The following ABHD12 variants were observed in gnomAD, a reference collection of about 807,000 sequenced individuals.
ABHD12 encodes abhydrolase domain containing 12, lysophospholipase.
In ABHD12, 43 loss-of-function variants were observed where a neutral mutation model predicts 58.3. The observed-to-expected ratio is 0.74, with a 90% CI of 0.58 to 0.95. The LOEUF (loss-of-function observed/expected upper bound fraction) is 0.95. Among genes scored for constraint, ABHD12 ranks in the 40% least tolerant of loss-of-function variants. The pLI is 0.00. For synonymous variants in ABHD12, 219 were observed against 211.2 expected (o/e 1.04, Z -0.32); for missense variants, 539 against 537.2 (o/e 1.00, Z -0.03).
chr20:25,320,108 C>A, intron 4 of ABHD12, 91 bp downstream of exon 4: 2 of 1,578,188 alleles, frequency 1.3e-6, no homozygotes, highest in South Asian at 2.3e-5. Flanking sequence ...GCAGGTTGCT[C>A]CTGCTGGTTT....
downstream of ABHD12, among the ~76,000 whole-genome samples, chr20:25,298,411 G>GC (rs1283258883): frequency 2.0e-5 from 3 of 151,990 alleles, no homozygotes; most frequent in African/African-American, 7.3e-5. Context: ...CATTACAGGC[G>GC]CCCACCACCA....
intron 1 of ABHD12, among the ~76,000 whole-genome samples, chr20:25,371,874 A>G (rs1050911849): frequency 2.0e-5 from 3 of 152,198 alleles, no homozygotes; most frequent in African/African-American, 7.2e-5. Context: ...TGTGAAAGCT[A>G]AAGTCATCAA....
At chr20:25,388,428 T>G (rs1293121978) in intron 1 of ABHD12, among the ~76,000 whole-genome samples, 1 of 152,088 alleles carries the variant, frequency 6.6e-6, no homozygotes. Flanking sequence ...GAGCAAAAAT[T>G]ACAATCTCGA....
intron 1 of ABHD12, among the ~76,000 whole-genome samples, chr20:25,345,909 T>G (rs184450670): frequency 7.7e-4 from 117 of 152,274 alleles, no homozygotes; most frequent in African/African-American, 2.8e-3. Context: ...ATATTCTTAC[T>G]ATATGATCCA....
intron 1 of ABHD12, among the ~76,000 whole-genome samples, chr20:25,345,355 G>A (rs2089504911): frequency 6.6e-6 from 1 of 152,076 alleles, no homozygotes; most frequent in Non-Finnish European, 1.5e-5. Flanking sequence ...AAAGTGCTGG[G>A]ATTACAGGCT....
At chr20:25,331,204 A>G (rs570652761) in intron 2 of ABHD12, among the ~76,000 whole-genome samples, 11 of 152,364 alleles carry the variant, frequency 7.2e-5, no homozygotes, top group African/African-American at 2.6e-4. Flanking sequence ...AACTGGAAGA[A>G]AGGGTATCAG....
intron 1 of ABHD12, among the ~76,000 whole-genome samples, chr20:25,359,423 CAAA>C (rs565367954): frequency 1.3e-3 from 81 of 63,104 alleles, no homozygotes; most frequent in African/African-American, 3.2e-3. Context: ...GACTCCGTCT[CAAA>C]AAAAAAAAAA....
At chr20:25,384,825 C>T (rs1341005026) in intron 1 of ABHD12, among the ~76,000 whole-genome samples, 1 of 152,220 alleles carries the variant, frequency 6.6e-6, no homozygotes, top group African/African-American at 2.4e-5. Flanking sequence ...TCTGGGACCA[C>T]ATTCCTGCCA....
intron 2 of ABHD12, among the ~76,000 whole-genome samples, chr20:25,326,130 A>G (rs527395416): frequency 5.8e-5 from 8 of 138,616 alleles, no homozygotes; most frequent in African/African-American, 1.4e-4. Context: ...GAGGGGAGGG[A>G]AGGGAAGGGA....
intron 2 of ABHD12, among the ~76,000 whole-genome samples, chr20:25,325,203 C>CA (rs376306392): frequency 0.024 from 1,813 of 76,414 alleles, 51 homozygotes; most frequent in Middle Eastern, 0.036. Flanking sequence ...GACCCTGTTT[C>CA]AAAAAAAAAA....
intron 1 of ABHD12, among the ~76,000 whole-genome samples, chr20:25,346,991 T>C (rs1003349942): frequency 6.6e-6 from 1 of 152,128 alleles, no homozygotes; most frequent in Non-Finnish European, 1.5e-5. Flanking sequence ...ATGTTACTCA[T>C]AGCTGTCAAG....
chr20:25,307,899 G>C, intron 9 of ABHD12, 67 bp downstream of exon 9: 1 of 752,016 alleles, frequency 1.3e-6, no homozygotes, highest in Non-Finnish European at 2.2e-6. Context: ...AATGTATCCT[G>C]TAATTAGTTA....
At chr20:25,374,952 G>C (rs2089944250) in intron 1 of ABHD12, among the ~76,000 whole-genome samples, 1 of 152,156 alleles carries the variant, frequency 6.6e-6, no homozygotes, top group African/African-American at 2.4e-5. Context: ...CTCAAAATTT[G>C]TATGTTGAAG....
At chr20:25,336,168 A>G (rs57284766) in intron 2 of ABHD12, among the ~76,000 whole-genome samples, 3,192 of 152,270 alleles carry the variant, frequency 0.021, 104 homozygotes, top group African/African-American at 0.072. Context: ...CAGACTGTGC[A>G]TACAAGTATT....
At chr20:25,340,707 C>T (rs143813403) in intron 1 of ABHD12, among the ~76,000 whole-genome samples, 1 of 152,318 alleles carries the variant, frequency 6.6e-6, no homozygotes, top group African/African-American at 2.4e-5. Context: ...ACAGATGAAT[C>T]TCAAAAGGAC....
At chr20:25,352,695 A>G (rs974156673) in intron 1 of ABHD12, among the ~76,000 whole-genome samples, 2 of 152,208 alleles carry the variant, frequency 1.3e-5, no homozygotes, top group Admixed American at 6.5e-5. Context: ...AAGCGTATCT[A>G]TTTATTGTAC....
At chr20:25,368,107 G>T (rs1170423112) in intron 1 of ABHD12, among the ~76,000 whole-genome samples, 1 of 152,114 alleles carries the variant, frequency 6.6e-6, no homozygotes, top group African/African-American at 2.4e-5. Context: ...ACTTAACACT[G>T]CAATCCAGCT....
chr20:25,323,510 C>T, intron 2 of ABHD12, 80 bp from the exon 3 acceptor site: 1 of 890,874 alleles, frequency 1.1e-6, no homozygotes, highest in Non-Finnish European at 1.9e-6. Context: ...CATACTCACA[C>T]ACGTGCACAG....
At chr20:25,340,606 T>C (rs1043262999) in intron 1 of ABHD12, among the ~76,000 whole-genome samples, 1 of 152,246 alleles carries the variant, frequency 6.6e-6, no homozygotes, top group Non-Finnish European at 1.5e-5. Context: ...TAACTTGCCA[T>C]ATGACTCTAA....
Sources: allele counts gnomAD v4.1 joint callset (sites outside exome capture counted in the v4.1 genomes callset), GRCh38; gene constraint gnomAD v4.1.1; transcripts MANE v1.5; gene names NCBI Gene and HGNC (gene_info 2026-07-23, HGNC 2026-07-21).